Variants in PIK3CB observed in about 807,000 individuals in gnomAD.
PIK3CB encodes the protein phosphatidylinositol 4,5-bisphosphate 3-kinase catalytic subunit beta isoform.
PIK3CB carries 39 observed loss-of-function variants against 136.8 expected under a neutral mutation model. That is an observed-to-expected ratio of 0.29 (90% CI 0.22 to 0.37). The LOEUF is 0.37. Ranked by LOEUF, PIK3CB falls within the 10% of genes least tolerant of loss-of-function variation. The pLI, the probability that PIK3CB is intolerant of heterozygous loss-of-function variation, is 1.00. For synonymous variants in PIK3CB, 428 were observed against 436.6 expected (o/e 0.98, Z 0.25); for missense variants, 868 against 1,275.4 (o/e 0.68, Z 4.87).
At chr3:138,766,146 C>T (rs2045729553) in intron 2 of PIK3CB, among the ~76,000 whole-genome samples, 1 of 151,966 alleles carries the variant, frequency 6.6e-6, no homozygotes, top group South Asian at 2.1e-4. Context: ...TGTTGCAATC[C>T]CAGTAATGTT....
intron 1 of PIK3CB, among the ~76,000 whole-genome samples, chr3:138,811,820 GGCTTATGCCTGTAATCCCA>G (rs1177392482): frequency 6.6e-6 from 1 of 152,054 alleles, no homozygotes; most frequent in Non-Finnish European, 1.5e-5. Flanking sequence ...TAGGCATGGT[GGCTTATGCCTGTAATCCCA>G]GCACTTTGGG....
Position 138,786,571 on chromosome 3 carries a change from C to G in PIK3CB, c.-17+9892G>C, listed in dbSNP as rs374521386. ...ATGTTGGCCAGGCTGGTCTCGAACT[C>G]CTCACCTCAGGTCATCCACCCACCT... On this transcript the variant is annotated intron_variant, in intron 2 of 23. Transcript: ENST00000674063. Among the ~76,000 whole-genome samples the G allele has an allele frequency of 3.3e-5, 5 of 152,140 alleles. 1 individual carries two copies. Among genetic ancestry groups the G allele is most frequent in the East Asian group, 1.9e-4 (1 of 5,172 alleles).
At chr3:138,760,345 A>G (rs1416267707) in intron 2 of PIK3CB, among the ~76,000 whole-genome samples, 2 of 152,078 alleles carry the variant, frequency 1.3e-5, no homozygotes, top group Non-Finnish European at 2.9e-5. Context: ...TTGCTCTCCC[A>G]TCACTCTACA....
chr3:138,781,706 C>T (rs550695608), intron 2 of PIK3CB, among the ~76,000 whole-genome samples: 2 of 152,242 alleles, frequency 1.3e-5, no homozygotes, highest in South Asian at 4.1e-4. Flanking sequence ...CTGCCCGCCT[C>T]GGCCTCGCAA....
intron 8 of PIK3CB, among the ~76,000 whole-genome samples, chr3:138,723,407 C>T (rs887138441): frequency 6.6e-6 from 1 of 151,912 alleles, no homozygotes; most frequent in Non-Finnish European, 1.5e-5. Flanking sequence ...AAAAAATAGC[C>T]GGGCGTGGTG....
chr3:138,792,268 CT>C (rs548701853), intron 2 of PIK3CB, among the ~76,000 whole-genome samples: 154 of 152,282 alleles, frequency 1.0e-3, no homozygotes, highest in Non-Finnish European at 1.7e-3. Context: ...CATGTACAGA[CT>C]TTTTTCTATT....
At chr3:138,739,779 G>C (rs1324797109) in intron 5 of PIK3CB, among the ~76,000 whole-genome samples, 1 of 150,584 alleles carries the variant, frequency 6.6e-6, no homozygotes, top group Non-Finnish European at 1.5e-5. Context: ...GCCCCTGCCT[G>C]TAGTCCCAGC....
intron 2 of PIK3CB, 52 bp from the exon 3 acceptor site, chr3:138,759,411 AC>A (rs889575710): frequency 7.8e-7 from 1 of 1,277,294 alleles, no homozygotes; most frequent in African/African-American, 1.5e-5. Flanking sequence ...CAAATTTTAT[AC>A]CAAGATATGA....
intron 19 of PIK3CB, among the ~76,000 whole-genome samples, chr3:138,681,714 G>T (rs942459701): frequency 1.3e-5 from 2 of 152,080 alleles, no homozygotes; most frequent in African/African-American, 4.8e-5. Flanking sequence ...ATGTAATTCT[G>T]GCTGTCTGTC....
chr3:138,765,385 A>T (rs757623819), intron 2 of PIK3CB, among the ~76,000 whole-genome samples: 1 of 152,186 alleles, frequency 6.6e-6, no homozygotes. Flanking sequence ...ATCATGCTTG[A>T]CAGGAAAACT....
At chr3:138,833,957 G>A (rs1395176535) in intron 1 of PIK3CB, among the ~76,000 whole-genome samples, 1 of 152,154 alleles carries the variant, frequency 6.6e-6, no homozygotes, top group African/African-American at 2.4e-5. Context: ...TTCTATTTTG[G>A]CCACTGCGAG....
rs192763208 is a variant in PIK3CB, at chr3:138,708,212, G to A, written c.1400-923C>T. ...ACAAGTTTTCGTTCCTTAATTCTTC[G>A]TTCATCTTTTTAAATATTTTCTCAC... On this transcript the variant is annotated intron_variant, in intron 10 of 23. Transcript: ENST00000674063. Among the ~76,000 whole-genome samples, 739 of 147,956 alleles carry A rather than the reference G, an allele frequency of 5.0e-3. 3 individuals carry two copies. The highest frequency in any genetic ancestry group is 8.6e-3 in the Non-Finnish European group (575 of 66,844).
chr3:138,775,103 A>C lies in PIK3CB; in HGVS notation c.-16-15744T>G, dbSNP rs182550031. On this transcript the variant is annotated intron_variant, in intron 2 of 23. Transcript: ENST00000674063. ...CCCTCACTATGGACTGTAAATTGAG[A>C]GGGAAAAGACTAAGAAAAACTGAAG... Among the ~76,000 whole-genome samples, 114 of 152,292 alleles carry C rather than the reference A, an allele frequency of 7.5e-4. 1 individual carries two copies. Among genetic ancestry groups the C allele is most frequent in the Middle Eastern group, 6.8e-3 (2 of 294 alleles).
chr3:138,738,383 G>A (rs1049105093), intron 5 of PIK3CB, among the ~76,000 whole-genome samples: 1 of 152,072 alleles, frequency 6.6e-6, no homozygotes, highest in Admixed American at 6.6e-5. Flanking sequence ...ATGTTGTCCA[G>A]GCTAGTCTCA....
At chr3:138,759,408 T>C in intron 2 of PIK3CB, 49 bp from the exon 3 acceptor site, 2 of 1,274,566 alleles carry the variant, frequency 1.6e-6, no homozygotes, top group East Asian at 2.4e-5. Context: ...AGCCAAATTT[T>C]ATACCAAGAT....
chr3:138,683,290 G>A (rs1376336888), intron 18 of PIK3CB, among the ~76,000 whole-genome samples: 1 of 150,068 alleles, frequency 6.7e-6, no homozygotes, highest in African/African-American at 2.5e-5. Flanking sequence ...GGAGGTGGAG[G>A]TTTCAGTGAG....
intron 1 of PIK3CB, among the ~76,000 whole-genome samples, chr3:138,829,428 T>C (rs1441751756): frequency 6.6e-6 from 1 of 152,114 alleles, no homozygotes; most frequent in Non-Finnish European, 1.5e-5. Flanking sequence ...AGGAAGGTAC[T>C]ACCCAGGAAG....
intron 19 of PIK3CB, among the ~76,000 whole-genome samples, chr3:138,667,702 C>T (rs1187798061): frequency 1.3e-5 from 2 of 150,898 alleles, no homozygotes; most frequent in African/African-American, 4.8e-5. Flanking sequence ...GCTGGGACTA[C>T]AGGCGCCTGC....
At chr3:138,752,476 TA>T (rs1215330994) in intron 4 of PIK3CB, among the ~76,000 whole-genome samples, 1 of 152,218 alleles carries the variant, frequency 6.6e-6, no homozygotes, top group Non-Finnish European at 1.5e-5. Context: ...AATTCATTCT[TA>T]AATACACAAC....
Sources: gnomAD v4.1 joint callset for allele counts (sites outside exome capture counted in the v4.1 genomes callset) on GRCh38, gnomAD v4.1.1 for gene constraint, MANE v1.5 for transcripts, NCBI Gene and HGNC (gene_info 2026-07-23, HGNC 2026-07-21) for gene names.